The following DUS4L variants were observed in gnomAD, a reference collection of about 807,000 sequenced individuals.
The protein encoded by DUS4L is tRNA-dihydrouridine(20a/20b) synthase [NAD(P)+]-like.
A neutral mutation model predicts 33.8 loss-of-function variants in DUS4L; 31 were observed. The ratio of observed to expected loss-of-function variants is 0.92; its 90% CI spans 0.69 to 1.24. The LOEUF (loss-of-function observed/expected upper bound fraction) is 1.24. Among genes scored for constraint, DUS4L ranks in the 50% most tolerant of loss-of-function variants. DUS4L has a pLI of 0.00. For synonymous variants in DUS4L, 103 were observed against 120.3 expected, an observed-to-expected ratio of 0.86 and a Z score of 0.94; for missense variants, 368 against 388.6, an observed-to-expected ratio of 0.95 and a Z score of 0.45.
At chr7:107,567,015 A>T in intron 2 of DUS4L, 35 bp from the exon 3 acceptor site, 1 of 1,412,770 alleles carries the variant, frequency 7.1e-7, no homozygotes, top group Non-Finnish European at 9.7e-7. Flanking sequence ...TAGTGAAAAC[A>T]TATTTTCTCT....
At chr7:107,576,648 GA>G in intron 7 of DUS4L, 56 bp downstream of exon 7, 1 of 1,426,206 alleles carries the variant, frequency 7.0e-7, no homozygotes, top group Non-Finnish European at 9.5e-7. Flanking sequence ...TGAGAGTGGG[GA>G]AGTAATGTTA....
intron 3 of DUS4L, among the ~76,000 whole-genome samples, chr7:107,569,289 T>A (rs1215145961): frequency 6.6e-6 from 1 of 152,244 alleles, no homozygotes; most frequent in Non-Finnish European, 1.5e-5. Context: ...TTTTGTTCCA[T>A]TGATCTTGTA....
chr7:107,571,132 T>C lies in DUS4L; in HGVS notation c.117-13T>C. ...GTTTCTAAATGCATAATTAAGGTTT[T>C]ATATGCTCACAGGTTGGCTTTTAGG... is the stretch of plus-strand genomic sequence containing the variant. On this transcript the variant is annotated splice_polypyrimidine_tract_variant and intron_variant, in intron 3 of 7. Transcript: ENST00000265720. 1 of 1,613,422 alleles carries C rather than the reference T, an allele frequency of 6.2e-7. No homozygotes were observed. Among genetic ancestry groups the C allele is most frequent in the East Asian group, 2.2e-5 (1 of 44,802 alleles).
chr7:107,570,584 C>G (rs760132128), intron 3 of DUS4L: 102 of 153,172 alleles, frequency 6.7e-4, no homozygotes, highest in Non-Finnish European at 6.7e-4. Context: ...GTTTCAGATC[C>G]TTACCTGGCC....
intron 6 of DUS4L, 198 bp downstream of exon 6, chr7:107,575,508 T>C (rs961176432): frequency 1.1e-5 from 5 of 467,424 alleles, no homozygotes; most frequent in Non-Finnish European, 1.7e-5. Flanking sequence ...ACTTCCTCTT[T>C]GTACTTTTAA....
intron 2 of DUS4L, among the ~76,000 whole-genome samples, chr7:107,566,149 T>A (rs2129187683): frequency 1.3e-5 from 2 of 152,318 alleles, no homozygotes; most frequent in Middle Eastern, 6.8e-3. Flanking sequence ...GATCCTGACA[T>A]CCTTAAGTAC....
At chr7:107,576,253 A>T in intron 6 of DUS4L, 113 bp from the exon 7 acceptor site, 1 of 1,034,676 alleles carries the variant, frequency 9.7e-7, no homozygotes, top group Non-Finnish European at 1.4e-6. Flanking sequence ...TAGAGTAATA[A>T]TATGATATAG....
At chr7:107,566,971 G>T (rs1434078199) in intron 2 of DUS4L, 79 bp from the exon 3 acceptor site, 6 of 1,004,024 alleles carry the variant, frequency 6.0e-6, no homozygotes, top group Non-Finnish European at 8.5e-6. Flanking sequence ...AATATATGTT[G>T]TTGGCAGTTG....
chr7:107,571,802 TAC>T (rs538712431), intron 4 of DUS4L, among the ~76,000 whole-genome samples: 290 of 152,288 alleles, frequency 1.9e-3, no homozygotes, highest in Middle Eastern at 3.4e-3. Context: ...CTAAAGATAA[TAC>T]ACAGTTTTTC....
In DUS4L at chr7:107,566,961, A is replaced by AT. The variant is rs1563109040; in HGVS notation, c.-21-89_-21-88insT. The AT allele has an allele frequency of 7.5e-6, 7 of 937,784 alleles. No homozygotes were observed. In the African/African-American group the frequency reaches 8.3e-5, roughly 11 times the overall value. 58.1% of individuals were successfully genotyped at this position (937,784 alleles called of 1,614,324 possible). A position where few individuals can be genotyped will look rare whatever the true frequency, so the allele number is the denominator to read the frequency against. On this transcript the variant is annotated intron_variant, in intron 2 of 7. Coordinates refer to ENST00000265720, the MANE Select transcript of DUS4L (RefSeq NM_181581.3). The stretch of plus-strand genomic sequence containing the variant: ...TTCTGAGCCCACAAGCCTGATAAAA[A>AT]ATATATGTTGTTGGCAGTTGAAATT...
rs530231102 is a variant in DUS4L at position 107,564,065 on chromosome 7, C to T, written c.-255C>T. 5.0e-5 allele frequency: 74 copies of T among 1,474,338 alleles called. No homozygotes were observed. The South Asian group carries it at 8.5e-4, about 17-fold the overall frequency. 91.3% of individuals were successfully genotyped at this position (1,474,338 alleles called of 1,614,324 possible). On this transcript the variant is annotated 5_prime_UTR_variant, in exon 1 of 8. Transcript: ENST00000265720. ...CCTGGCTAGGAGCCGCGCAGGTACT[C>T]GAGCAGTGGGCGCCCAGGGTCCGAG...
At chr7:107,571,957 T>C (rs1331328036) in intron 4 of DUS4L, among the ~76,000 whole-genome samples, 1 of 151,998 alleles carries the variant, frequency 6.6e-6, no homozygotes, top group Non-Finnish European at 1.5e-5. Context: ...ACCCCCTCTC[T>C]CTCTTGCAAA....
At position 107,567,081 on chromosome 7, in the gene DUS4L, A is replaced by G; in HGVS notation, c.11A>G (p.Asp4Gly). 6.2e-7 allele frequency: 1 copy of G among 1,613,120 alleles called. No individual in the cohort carries two copies. Among genetic ancestry groups the G allele is most frequent in the Non-Finnish European group, 8.5e-7 (1 of 1,179,402 alleles). Residue 4 changes from aspartate (D) to glycine (G), a missense_variant, in exon 3 of 8, where the codon GAC becomes GGC. By Grantham distance (94) the Asp-to-Gly change is moderately conservative. Coordinates refer to ENST00000265720, the MANE Select transcript of DUS4L (RefSeq NM_181581.3). ...AACATATCTGTATTAATGAAGAGTG[A>G]CTGCATGCAAACGACAATATGTCAG... MKS[D>G]CMQTTICQER...
In DUS4L at chr7:107,577,754, T is replaced by G; in HGVS notation, c.*194T>G. 1 of 518,874 alleles carries G rather than the reference T, an allele frequency of 1.9e-6. No individual in the cohort carries two copies. Among genetic ancestry groups the G allele is most frequent in the Non-Finnish European group, 3.3e-6 (1 of 301,078 alleles). The allele number at this position is 518,874 out of a possible 1,614,324, so 32.1% of individuals were successfully genotyped here. A position where few individuals can be genotyped will look rare whatever the true frequency, so the allele number is the denominator to read the frequency against. On this transcript the variant is annotated 3_prime_UTR_variant, in exon 8 of 8. Transcript: ENST00000265720. ...GGTAGATCTGGAGTAGACCCAGAAATACACAGTTTAAAGAAAACTCCCAGT... is the reference window on the plus strand; with the variant it reads ...GGTAGATCTGGAGTAGACCCAGAAAGACACAGTTTAAAGAAAACTCCCAGT...
chr7:107,570,948 C>A, intron 3 of DUS4L, 197 bp from the exon 4 acceptor site: 1 of 613,360 alleles, frequency 1.6e-6, no homozygotes, highest in Non-Finnish European at 2.6e-6. Context: ...ATCTTTTCTT[C>A]ACCTTTCAAA....
At chr7:107,575,083 C>CAGAT (rs764684831) in intron 5 of DUS4L, 105 bp from the exon 6 acceptor site, 2 of 1,459,320 alleles carry the variant, frequency 1.4e-6, no homozygotes, top group African/African-American at 2.8e-5. Flanking sequence ...GCTTCTCTTC[C>CAGAT]AGATCACTAG....
At chr7:107,564,281 G>A (rs886061880) in intron 1 of DUS4L, 72 bp downstream of exon 1, 7 of 497,194 alleles carry the variant, frequency 1.4e-5, no homozygotes, top group African/African-American at 1.4e-4. Flanking sequence ...GGGCCGCGCG[G>A]CGTAAGGCAG....
Position 107,576,523 on chromosome 7 carries a change from G to GT in DUS4L, c.638dup (p.Ile214AsnfsTer3). The GT allele has an allele frequency of 6.2e-7, 1 of 1,607,142 alleles. No individual in the cohort carries two copies. The highest frequency in any genetic ancestry group is 8.5e-7 in the Non-Finnish European group (1 of 1,177,798). ...AATTAAGGAAAATATGTCTATACCT[G>GT]TAATTGCTAATGGAGACATCAGAAG... is the stretch of plus-strand genomic sequence containing the variant. On this transcript the variant is annotated frameshift_variant, in exon 7 of 8. Transcript: ENST00000265720. LOFTEE classifies it high-confidence loss of function.
chr7:107,578,055 T>C lies in DUS4L; in HGVS notation c.*495T>C, dbSNP rs1395800986. On this transcript the variant is annotated 3_prime_UTR_variant, in exon 8 of 8. Coordinates refer to ENST00000265720, the MANE Select transcript of DUS4L (RefSeq NM_181581.3). ...AATAGAATTGCACTCAGAACTTATA[T>C]TAAAAATTCCATTTGGTTAATGACA... 1.3e-5 allele frequency: 2 copies of C among 152,372 alleles called. No individual in the cohort carries two copies. The highest frequency in any genetic ancestry group is 2.9e-5 in the Non-Finnish European group (2 of 68,112). The allele number at this position is 152,372 out of a possible 1,614,324, so 9.4% of individuals were successfully genotyped here. A position where few individuals can be genotyped will look rare whatever the true frequency, so the allele number is the denominator to read the frequency against.
Sources: allele counts gnomAD v4.1 joint callset (sites outside exome capture counted in the v4.1 genomes callset), GRCh38; gene constraint gnomAD v4.1.1; transcripts MANE v1.5; gene names NCBI Gene and HGNC (gene_info 2026-07-23, HGNC 2026-07-21).